Variants in RNF111 observed in about 807,000 individuals in gnomAD.
RNF111 encodes the protein E3 ubiquitin-protein ligase Arkadia.
RNF111 carries 17 observed loss-of-function variants against 95.1 expected under a neutral mutation model. The observed-to-expected ratio is 0.18, with a 90% CI of 0.12 to 0.27. The LOEUF is 0.27. Ranked by LOEUF, RNF111 falls within the 10% of genes least tolerant of loss-of-function variation. RNF111 has a pLI of 1.00. For synonymous variants in RNF111, 440 were observed against 414.8 expected (o/e 1.06, Z -0.74); for missense variants, 1,189 against 1,210.4 (o/e 0.98, Z 0.26).
At chr15:59,065,980 A>G (rs979145601) in intron 5 of RNF111, among the ~76,000 whole-genome samples, 1 of 152,098 alleles carries the variant, frequency 6.6e-6, no homozygotes, top group African/African-American at 2.4e-5. Flanking sequence ...GTGAGACTTC[A>G]CCAGATACAC....
chr15:59,017,274 C>T (rs9302206), intron 1 of RNF111, among the ~76,000 whole-genome samples: 66,164 of 151,722 alleles, frequency 0.44, 15,519 homozygotes, highest in African/African-American at 0.62. Context: ...TTTGATTTTC[C>T]AGAGATCGTA....
At chr15:59,020,067 A>G (rs1007698338) in intron 1 of RNF111, among the ~76,000 whole-genome samples, 3 of 149,924 alleles carry the variant, frequency 2.0e-5, no homozygotes, top group South Asian at 2.1e-4. Context: ...TATTTTATAT[A>G]TCATATAATT....
rs111822217 is a variant in RNF111 at position 59,046,529 on chromosome 15, G to C, written c.881-5776G>C. Among the ~76,000 whole-genome samples the C allele has an allele frequency of 9.2e-3, 1,395 of 152,286 alleles. 14 individuals carry two copies. The highest frequency in any genetic ancestry group is 0.03 in the African/African-American group (1,244 of 41,548). ...TTGGAGTATTGTATATTCATATGCA[G>C]AAAAGATAAATTTAGACCTTTTACC... is the stretch of plus-strand genomic sequence containing the variant. On this transcript the variant is annotated intron_variant, in intron 2 of 13. Coordinates refer to ENST00000348370, the MANE Select transcript of RNF111 (RefSeq NM_017610.8).
chr15:59,011,633 CT>C (rs1382879106), intron 1 of RNF111, among the ~76,000 whole-genome samples: 1 of 152,082 alleles, frequency 6.6e-6, no homozygotes, highest in Non-Finnish European at 1.5e-5. Flanking sequence ...CTCACATAAT[CT>C]TTTTTTCTGT....
chr15:59,028,781 A>ATTTT (rs34725448), intron 1 of RNF111, among the ~76,000 whole-genome samples: 4 of 147,138 alleles, frequency 2.7e-5, no homozygotes, highest in Non-Finnish European at 4.5e-5. Context: ...TTTGTGTTTA[A>ATTTT]TTTTTTTTTT....
chr15:58,998,220 A>G (rs1225708890), intron 1 of RNF111, among the ~76,000 whole-genome samples: 2 of 151,642 alleles, frequency 1.3e-5, no homozygotes, highest in Non-Finnish European at 2.9e-5. Context: ...TGTGTTTTTA[A>G]TATTCCATGT....
chr15:59,046,470 G>A (rs2041714335), intron 2 of RNF111, among the ~76,000 whole-genome samples: 1 of 152,196 alleles, frequency 6.6e-6, no homozygotes, highest in South Asian at 2.1e-4. Flanking sequence ...TGTGATTACA[G>A]GCGTCAGCCT....
chr15:59,076,861 C>G (rs1267964478), intron 7 of RNF111, among the ~76,000 whole-genome samples: 2 of 152,036 alleles, frequency 1.3e-5, no homozygotes, highest in Non-Finnish European at 2.9e-5. Context: ...TGATAAACAC[C>G]AAAAATTCAT....
rs1414821165 is a variant in RNF111, at chr15:59,026,847, A to G, written c.-19-3957A>G. 3.3e-5 allele frequency among the ~76,000 whole-genome samples: 5 copies of G among 152,160 alleles called. 1 individual carries two copies. The highest frequency in any genetic ancestry group is 2.6e-4 in the Admixed American group (4 of 15,274). Reference sequence around the variant, plus strand: ...TATTAATTTTGCATTTAATGACTGCATGATATGTTAACTCAGAGAAGAGTT... The same window carrying G: ...TATTAATTTTGCATTTAATGACTGCGTGATATGTTAACTCAGAGAAGAGTT... On this transcript the variant is annotated intron_variant, in intron 1 of 13. Transcript: ENST00000348370.
chr15:58,992,513 C>T (rs893904111), intron 1 of RNF111, among the ~76,000 whole-genome samples: 1 of 152,104 alleles, frequency 6.6e-6, no homozygotes, highest in Non-Finnish European at 1.5e-5. Context: ...GAAAATTGTT[C>T]ATATTTTAAA....
intron 1 of RNF111, among the ~76,000 whole-genome samples, chr15:59,003,548 G>C (rs1436227885): frequency 2.6e-5 from 4 of 151,900 alleles, no homozygotes; most frequent in Admixed American, 6.6e-5. Context: ...ACAGGTGCGT[G>C]CTACCACACC....
At chr15:59,007,507 T>C (rs942323727) in intron 1 of RNF111, among the ~76,000 whole-genome samples, 1 of 152,218 alleles carries the variant, frequency 6.6e-6, no homozygotes, top group Non-Finnish European at 1.5e-5. Context: ...TTGGCTATTA[T>C]GAGTAAAGCG....
intron 4 of RNF111, among the ~76,000 whole-genome samples, chr15:59,057,705 A>G (rs1314102325): frequency 1.3e-5 from 2 of 152,228 alleles, no homozygotes; most frequent in Admixed American, 6.5e-5. Context: ...TTTGGAAAAC[A>G]TATAAAAAGG....
chr15:59,066,205 A>G (rs1425173618), intron 5 of RNF111, among the ~76,000 whole-genome samples: 3 of 152,210 alleles, frequency 2.0e-5, no homozygotes, highest in Non-Finnish European at 2.9e-5. Context: ...AACATGATCT[A>G]TTGCCATACT....
chr15:59,038,008 A>G (rs2041266571), intron 2 of RNF111, among the ~76,000 whole-genome samples: 1 of 152,214 alleles, frequency 6.6e-6, no homozygotes, highest in African/African-American at 2.4e-5. Flanking sequence ...CTGTTGTTAA[A>G]ATAGTCATAT....
At chr15:58,995,893 T>G (rs1203937845) in intron 1 of RNF111, among the ~76,000 whole-genome samples, 1 of 152,008 alleles carries the variant, frequency 6.6e-6, no homozygotes, top group African/African-American at 2.4e-5. Context: ...CCTGGTTCCT[T>G]TTAGTGAGCA....
At chr15:59,068,984 GA>G (rs1289717410) in intron 6 of RNF111, among the ~76,000 whole-genome samples, 2 of 147,916 alleles carry the variant, frequency 1.4e-5, no homozygotes, top group African/African-American at 5.0e-5. Flanking sequence ...TGAGGCAGGA[GA>G]ATCGATTGAA....
chr15:59,054,272 A>T (rs2141982802), intron 3 of RNF111, among the ~76,000 whole-genome samples: 1 of 152,228 alleles, frequency 6.6e-6, no homozygotes, highest in East Asian at 1.9e-4. Flanking sequence ...TCTTTGTTTT[A>T]GAGTCTTTTG....
intron 1 of RNF111, among the ~76,000 whole-genome samples, chr15:59,008,698 C>T (rs2039652562): frequency 6.6e-6 from 1 of 152,102 alleles, no homozygotes; most frequent in Non-Finnish European, 1.5e-5. Context: ...TTCTGTTTGT[C>T]CCACCTGTCC....
Sources: allele counts gnomAD v4.1 joint callset (sites outside exome capture counted in the v4.1 genomes callset), GRCh38; gene constraint gnomAD v4.1.1; transcripts MANE v1.5; gene names NCBI Gene and HGNC (gene_info 2026-07-23, HGNC 2026-07-21).